Variants in ARMH3 observed in about 807,000 individuals in gnomAD.
ARMH3 encodes armadillo like helical domain containing 3, also known as armadillo-like helical domain-containing protein 3.
ARMH3 carries 60 observed loss-of-function variants against 99.1 expected under a neutral mutation model. The ratio of observed to expected loss-of-function variants is 0.61; its 90% CI spans 0.49 to 0.75. ARMH3 has a LOEUF of 0.75. ARMH3 is among the 30% of genes least tolerant of loss of function. The probability of loss-of-function intolerance (pLI) is 0.00; values close to 1 mark genes in which losing one functional copy is unlikely to be tolerated. For missense variants in ARMH3, 679 were observed against 843.1 expected (o/e 0.81, Z 2.41); for synonymous variants, 285 against 292.8 (o/e 0.97, Z 0.27).
intron 1 of ARMH3, among the ~76,000 whole-genome samples, chr10:102,046,507 C>T (rs1185931525): frequency 6.6e-6 from 1 of 151,840 alleles, no homozygotes; most frequent in Non-Finnish European, 1.5e-5. Flanking sequence ...ACAAAATTAG[C>T]CGGGCATGGT....
At chr10:101,992,610 C>T in intron 17 of ARMH3, among the ~76,000 whole-genome samples, 1 of 151,788 alleles carries the variant, frequency 6.6e-6, no homozygotes, top group Non-Finnish European at 1.5e-5. Flanking sequence ...ATTCTCCTGA[C>T]TCAGCCTCTT....
chr10:102,008,045 T>C (rs1424121988), intron 13 of ARMH3, among the ~76,000 whole-genome samples: 1 of 152,156 alleles, frequency 6.6e-6, no homozygotes, highest in Non-Finnish European at 1.5e-5. Flanking sequence ...GATAGCTGTT[T>C]TTAACTTCCC....
rs900918682 is a variant in ARMH3, at chr10:101,878,801, T to G, written c.1860+10611A>C. ...ATAATTGTGTTACTGCACTCCAGCC[T>G]GCATGACAGAACAAGACCTTGTCTC... On this transcript the variant is annotated intron_variant, in intron 24 of 25. Transcript: ENST00000370033. 2.6e-5 allele frequency among the ~76,000 whole-genome samples: 4 copies of G among 151,864 alleles called. No individual in the cohort carries two copies. In the East Asian group the frequency reaches 7.7e-4, roughly 29 times the overall value.
chr10:101,984,906 CAAAAATACAA>C (rs1485447618), intron 19 of ARMH3, among the ~76,000 whole-genome samples: 1 of 151,532 alleles, frequency 6.6e-6, no homozygotes, highest in African/African-American at 2.4e-5. Context: ...CCGTCTCTAC[CAAAAATACAA>C]AAATTAGCCG....
At chr10:101,900,801 G>A (rs1288511486) in intron 23 of ARMH3, among the ~76,000 whole-genome samples, 1 of 152,118 alleles carries the variant, frequency 6.6e-6, no homozygotes, top group Non-Finnish European at 1.5e-5. Context: ...GGGCAACATA[G>A]TGAGACCCCC....
intron 23 of ARMH3, among the ~76,000 whole-genome samples, chr10:101,922,532 G>A (rs944645272): frequency 7.9e-5 from 12 of 152,158 alleles, no homozygotes; most frequent in Non-Finnish European, 1.8e-4. Context: ...GATTACAAGT[G>A]TAATACAGCC....
At chr10:101,901,899 T>A (rs769667319) in intron 23 of ARMH3, among the ~76,000 whole-genome samples, 2 of 152,164 alleles carry the variant, frequency 1.3e-5, no homozygotes, top group Non-Finnish European at 2.9e-5. Context: ...AGGGAAGAAG[T>A]TAAAACTTCA....
intron 25 of ARMH3, among the ~76,000 whole-genome samples, chr10:101,848,779 GCT>G (rs2066518726): frequency 6.6e-6 from 1 of 152,074 alleles, no homozygotes; most frequent in Non-Finnish European, 1.5e-5. Context: ...CTCACAGATT[GCT>G]CTCTGTTAAC....
At chr10:101,883,543 C>T (rs2067467568) in intron 24 of ARMH3, among the ~76,000 whole-genome samples, 2 of 152,140 alleles carry the variant, frequency 1.3e-5, no homozygotes, top group Admixed American at 6.5e-5. Context: ...AAGGTAGTAG[C>T]ATTGCCTCAT....
chr10:101,945,312 T>A (rs535451091), intron 22 of ARMH3, among the ~76,000 whole-genome samples: 1 of 152,330 alleles, frequency 6.6e-6, no homozygotes, highest in South Asian at 2.1e-4. Context: ...CCAGGCGCAG[T>A]GCCTCGTGCC....
intron 24 of ARMH3, among the ~76,000 whole-genome samples, chr10:101,870,048 G>T (rs2067098519): frequency 6.6e-6 from 1 of 151,988 alleles, no homozygotes; most frequent in Non-Finnish European, 1.5e-5. Flanking sequence ...GAAAACAAAA[G>T]AAAAATAACA....
At chr10:102,045,801 A>C (rs1233902719) in intron 1 of ARMH3, among the ~76,000 whole-genome samples, 1 of 152,194 alleles carries the variant, frequency 6.6e-6, no homozygotes, top group Non-Finnish European at 1.5e-5. Context: ...TACATAGAAA[A>C]TATTGAATGA....
chr10:101,863,110 G>A (rs1387921011), intron 24 of ARMH3, among the ~76,000 whole-genome samples: 1 of 152,208 alleles, frequency 6.6e-6, no homozygotes, highest in Non-Finnish European at 1.5e-5. Context: ...GGCTGAGGCA[G>A]GAGAATAGCT....
chr10:102,032,908 A>G, intron 4 of ARMH3, 118 bp downstream of exon 4: 1 of 1,170,312 alleles, frequency 8.5e-7, no homozygotes, highest in Non-Finnish European at 1.2e-6. Flanking sequence ...GGTAACTTAC[A>G]GAAATAAAAA....
intron 2 of ARMH3, among the ~76,000 whole-genome samples, chr10:102,036,280 C>G (rs1196020950): frequency 7.5e-6 from 1 of 133,998 alleles, no homozygotes; most frequent in Non-Finnish European, 1.6e-5. Context: ...GCCCGGCCGC[C>G]GCCCCGTCCA....
intron 23 of ARMH3, among the ~76,000 whole-genome samples, chr10:101,894,579 A>G (rs2067771908): frequency 1.3e-5 from 2 of 152,184 alleles, no homozygotes; most frequent in South Asian, 4.1e-4. Context: ...TTGGCGGGAG[A>G]AAGATAAGGC....
At position 102,009,897 on chromosome 10, in the gene ARMH3, G is replaced by T. The variant is rs900034179; in HGVS notation, c.878+80C>A. On this transcript the variant is annotated intron_variant, in intron 12 of 25. Transcript: ENST00000370033. ...TGATTCTGTAAAAGATTAGCAAGAG[G>T]TAACACTGCACACTCTCATATCCAG... 3.3e-5 allele frequency: 43 copies of T among 1,307,240 alleles called. No individual in the cohort carries two copies. In the African/African-American group the frequency reaches 6.2e-4, roughly 19 times the overall value. The allele number at this position is 1,307,240 out of a possible 1,614,324, so 81.0% of individuals were successfully genotyped here. A position where few individuals can be genotyped will look rare whatever the true frequency, so the allele number is the denominator to read the frequency against.
chr10:101,968,201 T>G (rs940930260), intron 20 of ARMH3, among the ~76,000 whole-genome samples: 1 of 152,152 alleles, frequency 6.6e-6, no homozygotes, highest in African/African-American at 2.4e-5. Flanking sequence ...GTAGGGTCCC[T>G]GTGCAGCTGC....
intron 22 of ARMH3, among the ~76,000 whole-genome samples, chr10:101,941,923 C>A (rs938190872): frequency 1.2e-4 from 18 of 152,210 alleles, no homozygotes; most frequent in African/African-American, 3.9e-4. Context: ...ATCACAAGTT[C>A]TCTGATGGTA....
Sources: allele counts gnomAD v4.1 joint callset (sites outside exome capture counted in the v4.1 genomes callset), GRCh38; gene constraint gnomAD v4.1.1; transcripts MANE v1.5; gene names NCBI Gene and HGNC (gene_info 2026-07-23, HGNC 2026-07-21).